The following SPECC1 variants were observed in gnomAD, a reference collection of about 807,000 sequenced individuals.
SPECC1 encodes cytospin-B.
In SPECC1, 62 loss-of-function variants were observed where a neutral mutation model predicts 104.1. The observed-to-expected ratio is 0.60, with a 90% confidence interval of 0.49 to 0.74. The LOEUF (loss-of-function observed/expected upper bound fraction) is 0.74. SPECC1 is among the 30% of genes least tolerant of loss of function. The pLI, the probability that SPECC1 is intolerant of heterozygous loss-of-function variation, is 0.00. For missense variants in SPECC1, 1,306 were observed against 1,310.5 expected (o/e 1.00, Z 0.05); for synonymous variants, 513 against 501.6 (o/e 1.02, Z -0.30).
At chr17:20,231,081 A>T (rs2038543322) in intron 5 of SPECC1, among the ~76,000 whole-genome samples, 3 of 152,222 alleles carry the variant, frequency 2.0e-5, no homozygotes, top group African/African-American at 7.2e-5. Context: ...TGACTCTGAT[A>T]GCCAGATGGA....
chr17:20,042,724 C>G (rs2045382629), intron 1 of SPECC1, among the ~76,000 whole-genome samples: 1 of 152,148 alleles, frequency 6.6e-6, no homozygotes, highest in Non-Finnish European at 1.5e-5. Context: ...AGAGGGCAGG[C>G]TTTTCTTGGG....
intron 7 of SPECC1, among the ~76,000 whole-genome samples, chr17:20,241,626 T>A (rs1193800463): frequency 6.6e-6 from 1 of 152,216 alleles, no homozygotes; most frequent in Non-Finnish European, 1.5e-5. Flanking sequence ...GGACTTTTAC[T>A]ATTTGATTCT....
At chr17:20,155,819 C>G (rs2032420248) in intron 3 of SPECC1, 13 of 695,408 alleles carry the variant, frequency 1.9e-5, no homozygotes, top group Non-Finnish European at 2.4e-5. Flanking sequence ...GCCGGTCAGC[C>G]GGTGCGTCCC....
intron 12 of SPECC1, among the ~76,000 whole-genome samples, chr17:20,266,440 C>T (rs902306370): frequency 4.6e-5 from 7 of 152,140 alleles, no homozygotes; most frequent in Non-Finnish European, 1.0e-4. Flanking sequence ...AAAAATTAGC[C>T]GGGCGTGGTG....
intron 3 of SPECC1, among the ~76,000 whole-genome samples, chr17:20,172,793 T>C (rs559785770): frequency 3.3e-5 from 5 of 152,322 alleles, no homozygotes; most frequent in African/African-American, 9.6e-5. Flanking sequence ...CTGAGTGTTT[T>C]GAAAATGAGA....
chr17:20,044,549 A>G (rs1339266467), intron 1 of SPECC1, among the ~76,000 whole-genome samples: 1 of 152,244 alleles, frequency 6.6e-6, no homozygotes, highest in Non-Finnish European at 1.5e-5. Context: ...ATATAATAAG[A>G]AAAACATATA....
chr17:20,160,676 A>C (rs2033055734), intron 3 of SPECC1, among the ~76,000 whole-genome samples: 1 of 152,100 alleles, frequency 6.6e-6, no homozygotes, highest in Admixed American at 6.6e-5. Context: ...CTCTATATTC[A>C]TTCCTCTACC....
At chr17:20,170,957 C>T (rs1255942245) in intron 3 of SPECC1, among the ~76,000 whole-genome samples, 2 of 152,176 alleles carry the variant, frequency 1.3e-5, no homozygotes, top group African/African-American at 4.8e-5. Flanking sequence ...GCTTTTCTCT[C>T]TAGCACAAGC....
At chr17:20,261,688 T>G (rs2040031930) in intron 12 of SPECC1, among the ~76,000 whole-genome samples, 1 of 152,196 alleles carries the variant, frequency 6.6e-6, no homozygotes. Flanking sequence ...GAGAATTGTT[T>G]GCGTTTAGTT....
chr17:20,247,184 C>A (rs749570452), intron 8 of SPECC1, 35 bp from the exon 9 acceptor site: 21 of 1,523,948 alleles, frequency 1.4e-5, no homozygotes, highest in Non-Finnish European at 1.9e-5. Context: ...TGAAGTGGAA[C>A]AACATATAAA....
At chr17:20,226,854 A>G (rs1377062738) in intron 4 of SPECC1, among the ~76,000 whole-genome samples, 3 of 152,150 alleles carry the variant, frequency 2.0e-5, no homozygotes, top group Non-Finnish European at 2.9e-5. Context: ...TGCAGCCCCA[A>G]GTATCTTATC....
At chr17:20,051,113 T>TTTCC (rs1567813487) in intron 1 of SPECC1, among the ~76,000 whole-genome samples, 14 of 129,156 alleles carry the variant, frequency 1.1e-4, no homozygotes, top group African/African-American at 2.0e-4. Flanking sequence ...TCTTTCTTTC[T>TTTCC]TTCTTTCTTT....
intron 3 of SPECC1, among the ~76,000 whole-genome samples, chr17:20,135,712 A>G (rs1251978508): frequency 2.6e-5 from 4 of 152,114 alleles, no homozygotes; most frequent in Admixed American, 1.3e-4. Context: ...TTGACCTCCT[A>G]CAGTGCTGGG....
chr17:20,263,864 A>G (rs1183936144), intron 12 of SPECC1, among the ~76,000 whole-genome samples: 1 of 152,086 alleles, frequency 6.6e-6, no homozygotes, highest in Non-Finnish European at 1.5e-5. Context: ...TCACAAGAAC[A>G]CTATTTCCTG....
At chr17:20,233,428 T>C (rs952629835) in intron 7 of SPECC1, among the ~76,000 whole-genome samples, 4 of 152,236 alleles carry the variant, frequency 2.6e-5, no homozygotes, top group African/African-American at 7.2e-5. Flanking sequence ...TAATTCCTTA[T>C]TTCTTTGTTT....
In SPECC1 at chr17:20,223,126, C is replaced by A. The variant is rs192950020; in HGVS notation, c.1864-4287C>A. On this transcript the variant is annotated intron_variant, in intron 4 of 14. Transcript: ENST00000395527. Reference sequence around the variant, plus strand: ...GTTATCCCTTTGAATAAACTTTCTACCCCAATCTCTCTCTCTACCTCCTCT... The same window carrying A: ...GTTATCCCTTTGAATAAACTTTCTAACCCAATCTCTCTCTCTACCTCCTCT... 3.0e-3 allele frequency among the ~76,000 whole-genome samples: 452 copies of A among 152,142 alleles called. 4 individuals are homozygous for A. Among genetic ancestry groups the A allele is most frequent in the African/African-American group, 0.01 (425 of 41,494 alleles).
intron 7 of SPECC1, chr17:20,238,216 T>A: frequency 9.6e-7 from 1 of 1,039,592 alleles, no homozygotes; most frequent in Non-Finnish European, 1.2e-6. Context: ...ACGGTGACAA[T>A]GGCAATAGAA....
chr17:20,231,266 C>T (rs1379946072), intron 5 of SPECC1, among the ~76,000 whole-genome samples: 1 of 152,182 alleles, frequency 6.6e-6, no homozygotes, highest in African/African-American at 2.4e-5. Flanking sequence ...TGAAAAGCTT[C>T]ACCAGTGATT....
intron 7 of SPECC1, among the ~76,000 whole-genome samples, chr17:20,234,633 C>T (rs575118027): frequency 3.8e-4 from 58 of 152,324 alleles, no homozygotes; most frequent in African/African-American, 1.3e-3. Flanking sequence ...TCAGCCACAG[C>T]CAAAGAACTT....
Sources: gnomAD v4.1 joint callset for allele counts (sites outside exome capture counted in the v4.1 genomes callset) on GRCh38, gnomAD v4.1.1 for gene constraint, MANE v1.5 for transcripts, NCBI Gene and HGNC (gene_info 2026-07-23, HGNC 2026-07-21) for gene names.